The following USP34 variants were observed in gnomAD, a reference collection of about 807,000 sequenced individuals.
USP34 encodes the protein ubiquitin carboxyl-terminal hydrolase 34.
A neutral mutation model predicts 460.3 loss-of-function variants in USP34; 70 were observed. The observed-to-expected ratio is 0.15, with a 90% confidence interval of 0.13 to 0.19. The LOEUF (loss-of-function observed/expected upper bound fraction) is 0.19, where lower values mean the gene tolerates loss of function less well. Among genes scored for constraint, USP34 ranks in the 10% least tolerant of loss-of-function variants. The pLI is 1.00. For missense variants in USP34, 3,985 were observed against 4,236.2 expected, an observed-to-expected ratio of 0.94 and a Z score of 1.65; for synonymous variants, 1,647 against 1,405.3, an observed-to-expected ratio of 1.17 and a Z score of -3.85.
intron 8 of USP34, among the ~76,000 whole-genome samples, chr2:61,372,037 A>G (rs1692643952): frequency 6.6e-6 from 1 of 152,210 alleles, no homozygotes. Context: ...ATTAAGTACC[A>G]TATGACTATA....
At position 61,333,620 on chromosome 2, in the gene USP34, C is replaced by T. The variant is rs11898866; in HGVS notation, c.2834+262G>A. On this transcript the variant is annotated intron_variant, in intron 19 of 79. Coordinates refer to ENST00000398571, the MANE Select transcript of USP34 (RefSeq NM_014709.4). ...AAAAGTACTCTGCTGTAGCTGCATA[C>T]GCTAAAAATCTCCCTAAAATTAGAG... Among the ~76,000 whole-genome samples the T allele has an allele frequency of 6.0e-3, 913 of 152,118 alleles. 11 individuals are homozygous for T. Among genetic ancestry groups the T allele is most frequent in the African/African-American group, 0.021 (865 of 41,528 alleles).
intron 3 of USP34, among the ~76,000 whole-genome samples, chr2:61,398,478 AGG>A (rs1335254463): frequency 7.4e-4 from 84 of 114,196 alleles, no homozygotes; most frequent in African/African-American, 2.5e-3. Flanking sequence ...CGGGGGAAGG[AGG>A]CGGAAGCGGG....
intron 2 of USP34, among the ~76,000 whole-genome samples, chr2:61,420,248 G>A (rs1348457218): frequency 2.0e-5 from 3 of 152,072 alleles, no homozygotes; most frequent in Non-Finnish European, 4.4e-5. Context: ...ATCACATTGA[G>A]GAACAGGAAT....
intron 2 of USP34, among the ~76,000 whole-genome samples, chr2:61,410,456 T>C (rs1232977228): frequency 2.0e-5 from 3 of 152,200 alleles, no homozygotes; most frequent in Non-Finnish European, 4.4e-5. Context: ...CTTCACTCAC[T>C]CATCTGCCCT....
intron 58 of USP34, among the ~76,000 whole-genome samples, chr2:61,231,123 A>G (rs77924408): frequency 0.041 from 6,297 of 152,340 alleles, 196 homozygotes; most frequent in Non-Finnish European, 0.064. Flanking sequence ...AGATTGTTAA[A>G]TCGAAGCAGT....
intron 78 of USP34, chr2:61,189,486 GA>G (rs11309953): frequency 0.59 from 91,413 of 154,870 alleles, 26,987 homozygotes; most frequent in Middle Eastern, 0.69. Context: ...GTTGGCCATT[GA>G]GATGGTCTCA....
intron 1 of USP34, among the ~76,000 whole-genome samples, chr2:61,432,868 CA>C (rs1250517902): frequency 7.2e-5 from 11 of 151,920 alleles, no homozygotes; most frequent in Admixed American, 7.2e-4. Flanking sequence ...ACCAGAGAAC[CA>C]AAAACCAAGA....
intron 41 of USP34, among the ~76,000 whole-genome samples, chr2:61,268,299 T>G (rs374420556): frequency 6.6e-6 from 1 of 151,550 alleles, no homozygotes; most frequent in East Asian, 2.0e-4. Flanking sequence ...CATCTAATGG[T>G]GAAATGTGCT....
chr2:61,411,898 A>G (rs953066793), intron 2 of USP34, among the ~76,000 whole-genome samples: 1 of 152,178 alleles, frequency 6.6e-6, no homozygotes, highest in Admixed American at 6.5e-5. Flanking sequence ...AGATAAAAAC[A>G]AACAGTAAGG....
At chr2:61,313,428 G>A (rs1421508555) in intron 25 of USP34, among the ~76,000 whole-genome samples, 1 of 152,036 alleles carries the variant, frequency 6.6e-6, no homozygotes, top group Non-Finnish European at 1.5e-5. Flanking sequence ...GGACCTTGTT[G>A]GTTTGTTGAA....
intron 1 of USP34, among the ~76,000 whole-genome samples, chr2:61,453,158 C>T (rs1260919641): frequency 1.3e-5 from 2 of 152,096 alleles, no homozygotes; most frequent in African/African-American, 4.8e-5. Context: ...TGCCTATAAT[C>T]CCAGCACTTA....
chr2:61,374,046 C>T (rs1006579670), intron 8 of USP34, among the ~76,000 whole-genome samples: 4 of 151,686 alleles, frequency 2.6e-5, no homozygotes, highest in African/African-American at 9.7e-5. Context: ...ATCCCAGTTA[C>T]TCAGGAGGCT....
chr2:61,211,760 A>G lies in USP34; in HGVS notation c.8840+12T>C, dbSNP rs1376130120. ...GGAAATAAACAAGACAAAACTAAAA[A>G]CATCTTTTTACCTTATTAAAGTAGT... On this transcript the variant is annotated intron_variant, in intron 69 of 79. Coordinates refer to ENST00000398571, the MANE Select transcript of USP34 (RefSeq NM_014709.4). 2 of 1,550,970 alleles carry G rather than the reference A, an allele frequency of 1.3e-6. No homozygotes were observed. The highest frequency in any genetic ancestry group is 1.7e-6 in the Non-Finnish European group (2 of 1,159,208).
At chr2:61,281,640 CCATA>C (rs1689537725) in intron 37 of USP34, among the ~76,000 whole-genome samples, 1 of 151,942 alleles carries the variant, frequency 6.6e-6, no homozygotes, top group Non-Finnish European at 1.5e-5. Context: ...TGTTCTAATC[CCATA>C]CATATATATA....
In USP34 at chr2:61,348,465, T is replaced by C; in HGVS notation, c.1690A>G (p.Ser564Gly). 1.2e-6 allele frequency: 2 copies of C among 1,610,968 alleles called. No individual in the cohort carries two copies. Among genetic ancestry groups the C allele is most frequent in the Non-Finnish European group, 8.5e-7 (1 of 1,178,482 alleles). The change falls in exon 15 of 80, where the codon AGT (serine) becomes GGT (glycine). Residue 564 changes from serine to glycine, a missense_variant. Ser to Gly is a moderately conservative substitution (Grantham distance 56). Coordinates refer to ENST00000398571, the MANE Select transcript of USP34 (RefSeq NM_014709.4). ...LSDTEESMQGSSDETANSGED... is the reference protein window; with the variant it reads ...LSDTEESMQGGSDETANSGED... ...CCACTGTTGGCAGTTTCGTCAGAAC[T>C]TCCCTGCATGGATTCCTGTATTTTG...
At position 61,380,255 on chromosome 2, in the gene USP34, A is replaced by C. The variant is rs1692930564; in HGVS notation, c.928T>G (p.Phe310Val). 6.2e-7 allele frequency: 1 copy of C among 1,614,126 alleles called. No homozygotes were observed. The highest frequency in any genetic ancestry group is 2.2e-5 in the East Asian group (1 of 44,878). Residue 310 changes from phenylalanine to valine, a missense_variant, in exon 7 of 80, where the codon TTT (phenylalanine) becomes GTT (valine). This residue lies in a region of USP34 where 70 missense variants were observed against 109.5 expected (regional missense o/e 0.64). Transcript: ENST00000398571. ...GCAAGATCTAGGCTTTCTTTATCAA[A>C]GCATAATGTTGTATCCAATGGTTCT... ...VKEPLDTTLC[F>V]DKESLDLAFK...
intron 48 of USP34, among the ~76,000 whole-genome samples, chr2:61,255,596 C>T (rs1688703400): frequency 6.6e-6 from 1 of 152,250 alleles, no homozygotes; most frequent in South Asian, 2.1e-4. Context: ...GTTCTCACAA[C>T]AGTGCTTGCT....
At chr2:61,460,358 C>CA (rs1045904901) in intron 1 of USP34, among the ~76,000 whole-genome samples, 21 of 152,270 alleles carry the variant, frequency 1.4e-4, no homozygotes, top group African/African-American at 5.1e-4. Flanking sequence ...GCAACCTACC[C>CA]ATTAAGTCAC....
chr2:61,267,138 T>A (rs1166398569), intron 41 of USP34, among the ~76,000 whole-genome samples: 2 of 152,186 alleles, frequency 1.3e-5, no homozygotes, highest in African/African-American at 4.8e-5. Flanking sequence ...TTGGTTAAGT[T>A]GCAACTGGCT....
Sources: gnomAD v4.1 joint callset for allele counts (sites outside exome capture counted in the v4.1 genomes callset) on GRCh38, gnomAD v4.1.1 for gene constraint, gnomAD v4.1.1 regional missense constraint, MANE v1.5 for transcripts, NCBI Gene and HGNC (gene_info 2026-07-23, HGNC 2026-07-21) for gene names.